Variants in TULP4 observed in about 807,000 individuals in gnomAD.
The protein encoded by TULP4 is TUB like protein 4, also known as tubby-related protein 4.
A neutral mutation model predicts 129.0 loss-of-function variants in TULP4; 16 were observed. That is an observed-to-expected ratio of 0.12 (90% CI 0.08 to 0.19). The LOEUF is 0.19. TULP4 is among the 10% of genes least tolerant of loss of function. The pLI is 1.00. For missense variants in TULP4, 1,842 were observed against 2,059.1 expected (o/e 0.89, Z 2.04); for synonymous variants, 998 against 854.0 (o/e 1.17, Z -2.94).
intron 1 of TULP4, among the ~76,000 whole-genome samples, chr6:158,298,783 C>T (rs532293273): frequency 2.1e-4 from 32 of 152,284 alleles, no homozygotes; most frequent in Non-Finnish European, 3.4e-4. Flanking sequence ...TTTGAGTCTA[C>T]GTTGATACTG....
intron 6 of TULP4, among the ~76,000 whole-genome samples, chr6:158,474,727 T>C (rs1246683940): frequency 6.6e-6 from 1 of 152,202 alleles, no homozygotes; most frequent in Non-Finnish European, 1.5e-5. Flanking sequence ...AGAATTGTTG[T>C]GGATTTCAGA....
At chr6:158,299,149 G>T (rs1243684394) in intron 1 of TULP4, among the ~76,000 whole-genome samples, 1 of 152,094 alleles carries the variant, frequency 6.6e-6, no homozygotes, top group Non-Finnish European at 1.5e-5. Flanking sequence ...GGGGTGGGGG[G>T]TAATGCCCTT....
chr6:158,362,405 A>G (rs1780813595), intron 1 of TULP4, among the ~76,000 whole-genome samples: 1 of 151,874 alleles, frequency 6.6e-6, no homozygotes. Flanking sequence ...GCTGGAGTGC[A>G]GTGATGCAGT....
chr6:158,315,272 G>A (rs149197527), intron 1 of TULP4, among the ~76,000 whole-genome samples: 4,848 of 152,184 alleles, frequency 0.032, 101 homozygotes, highest in Non-Finnish European at 0.041. Flanking sequence ...TCCGGGGCTA[G>A]TATGGTAGAG....
In TULP4 at chr6:158,502,310, C is replaced by T. The variant is rs1441966467; in HGVS notation, c.2647C>T (p.Leu883=). 2 of 1,613,612 alleles carry T rather than the reference C, an allele frequency of 1.2e-6. No individual in the cohort carries two copies. The highest frequency in any genetic ancestry group is 1.7e-5 in the Admixed American group (1 of 60,010). ...YPTSVHYQTP[L]GYERITTFDS... is the part of the protein sequence containing the mutation. ...CACGTCAGTGCACTACCAGACCCCC[C>T]TGGGCTATGAGAGGATCACCACCTT... The change falls in exon 13 of 14, where the codon CTG becomes TTG. Residue 883 remains leucine (L), a synonymous_variant. Transcript: ENST00000367097.
At chr6:158,385,479 G>A (rs965162353) in intron 1 of TULP4, among the ~76,000 whole-genome samples, 8 of 152,122 alleles carry the variant, frequency 5.3e-5, no homozygotes, top group Non-Finnish European at 1.0e-4. Context: ...GCTTTCAGGC[G>A]AATAAATGCG....
chr6:158,333,808 A>C (rs1779971036), intron 1 of TULP4, among the ~76,000 whole-genome samples: 1 of 152,192 alleles, frequency 6.6e-6, no homozygotes, highest in Non-Finnish European at 1.5e-5. Context: ...AATATATACA[A>C]ATTTATTATA....
intron 10 of TULP4, among the ~76,000 whole-genome samples, chr6:158,494,155 C>T (rs947232511): frequency 3.9e-5 from 6 of 152,326 alleles, no homozygotes; most frequent in South Asian, 2.1e-4. Flanking sequence ...TCTGCTGTGA[C>T]GGCCTCCTAC....
chr6:158,429,558 G>A (rs1022362855), intron 2 of TULP4, among the ~76,000 whole-genome samples, 178 bp from the exon 3 acceptor site: 4 of 152,216 alleles, frequency 2.6e-5, no homozygotes, highest in African/African-American at 9.6e-5. Flanking sequence ...GGGTTTACAG[G>A]CATGAGGCAC....
At chr6:158,462,360 T>C (rs574806157) in intron 6 of TULP4, among the ~76,000 whole-genome samples, 11 of 151,074 alleles carry the variant, frequency 7.3e-5, no homozygotes, top group Non-Finnish European at 1.5e-4. Context: ...CTTACATATG[T>C]AGATTTTCTT....
At position 158,508,017 on chromosome 6, in the gene TULP4, AGTTG is replaced by A. The variant is rs1333905864; in HGVS notation, c.*1328_*1331del. ...GTTATTAAAATTGTAATACCTAGGT[AGTTG>A]GTTGATCACAGTTTGTTAATTGTAT... On this transcript the variant is annotated 3_prime_UTR_variant, in exon 14 of 14. Transcript: ENST00000367097. The A allele has an allele frequency of 2.0e-5, 3 of 152,170 alleles. No individual in the cohort carries two copies. Among genetic ancestry groups the A allele is most frequent in the Non-Finnish European group, 4.4e-5 (3 of 68,028 alleles). 9.4% of individuals were successfully genotyped at this position (152,170 alleles called of 1,614,324 possible).
At chr6:158,283,586 T>C (rs1422759502) in intron 1 of TULP4, among the ~76,000 whole-genome samples, 1 of 152,214 alleles carries the variant, frequency 6.6e-6, no homozygotes, top group Non-Finnish European at 1.5e-5. Flanking sequence ...CTTGTCCTTA[T>C]AGAATTATAT....
Position 158,306,757 on chromosome 6 carries a change from C to A in TULP4, n.117-5294C>A, listed in dbSNP as rs542025477. Among the ~76,000 whole-genome samples, 3 of 152,294 alleles carry A rather than the reference C, an allele frequency of 2.0e-5. No homozygotes were observed. In the South Asian group the frequency reaches 6.2e-4, roughly 32 times the overall value. Reference sequence around the variant, plus strand: ...AACTGGCTGGGTGCAGTGGCTGACACCTGTAATCCCAGCTACTTCAGGAGG... The same window carrying A: ...AACTGGCTGGGTGCAGTGGCTGACAACTGTAATCCCAGCTACTTCAGGAGG... On this transcript the variant is annotated intron_variant and non_coding_transcript_variant, in intron 1 of 1. Coordinates refer to the TULP4 transcript ENST00000432358.
At chr6:158,389,887 G>T (rs1005627343) in intron 1 of TULP4, among the ~76,000 whole-genome samples, 1 of 152,118 alleles carries the variant, frequency 6.6e-6, no homozygotes, top group African/African-American at 2.4e-5. Context: ...ATGGCGGGTG[G>T]ATCACCTGAG....
intron 1 of TULP4, among the ~76,000 whole-genome samples, chr6:158,386,100 C>T (rs1777442692): frequency 1.3e-5 from 2 of 151,910 alleles, no homozygotes; most frequent in African/African-American, 4.8e-5. Context: ...ATACCTCAGC[C>T]TCCCAAAGTG....
chr6:158,367,923 C>CAAAAAAAAAAAA (rs11351338), intron 1 of TULP4, among the ~76,000 whole-genome samples: 1 of 139,600 alleles, frequency 7.2e-6, no homozygotes, highest in African/African-American at 2.6e-5. Flanking sequence ...ACAAATAATA[C>CAAAAAAAAAAAA]AAAAAAAAAA....
chr6:158,332,892 T>C (rs188403730), intron 1 of TULP4, among the ~76,000 whole-genome samples: 1 of 152,252 alleles, frequency 6.6e-6, no homozygotes, highest in East Asian at 1.9e-4. Context: ...AGAGCACGTA[T>C]TGATGGGTTG....
chr6:158,367,723 T>C (rs1776953446), intron 1 of TULP4, among the ~76,000 whole-genome samples: 1 of 152,106 alleles, frequency 6.6e-6, no homozygotes, highest in Non-Finnish European at 1.5e-5. Flanking sequence ...AAAGATTCTT[T>C]TATTGTGAAC....
At chr6:158,440,120 G>T (rs1778852371) in intron 3 of TULP4, among the ~76,000 whole-genome samples, 1 of 151,854 alleles carries the variant, frequency 6.6e-6, no homozygotes, top group South Asian at 2.1e-4. Flanking sequence ...GAGTCCAGGA[G>T]TTCAAGACCA....
Sources: allele counts gnomAD v4.1 joint callset (sites outside exome capture counted in the v4.1 genomes callset), GRCh38; gene constraint gnomAD v4.1.1; transcripts MANE v1.5; gene names NCBI Gene and HGNC (gene_info 2026-07-23, HGNC 2026-07-21).